The following SGCZ variants were observed in gnomAD, a reference collection of about 807,000 sequenced individuals.
SGCZ encodes sarcoglycan zeta, also known as zeta-sarcoglycan.
Under a neutral mutation model 41.3 loss-of-function variants are expected in SGCZ, and 40 were observed. The observed-to-expected ratio is 0.97, with a 90% CI of 0.75 to 1.26. The LOEUF (loss-of-function observed/expected upper bound fraction) is 1.26. Ranked by LOEUF, SGCZ falls within the 50% of genes most tolerant of loss-of-function variation. The pLI is 0.00. For synonymous variants in SGCZ, 206 were observed against 137.5 expected (o/e 1.50, Z -3.49); for missense variants, 552 against 369.8 (o/e 1.49, Z -4.04).
At chr8:14,277,754 C>T (rs1490012606) in intron 3 of SGCZ, among the ~76,000 whole-genome samples, 1 of 152,118 alleles carries the variant, frequency 6.6e-6, no homozygotes, top group Non-Finnish European at 1.5e-5. Context: ...TTCACCCACT[C>T]ACAACCCCAA....
chr8:14,991,885 C>G (rs1802025580), intron 1 of SGCZ, among the ~76,000 whole-genome samples: 1 of 150,788 alleles, frequency 6.6e-6, no homozygotes, highest in Non-Finnish European at 1.5e-5. Flanking sequence ...ATATTTACCT[C>G]TCATCCAATC....
chr8:15,024,989 A>G (rs1355342760), intron 1 of SGCZ, among the ~76,000 whole-genome samples: 4 of 151,600 alleles, frequency 2.6e-5, no homozygotes, highest in Non-Finnish European at 4.4e-5. Context: ...TGGTTGAAAG[A>G]TGAGTTTCAA....
chr8:14,413,580 A>C (rs928508795), intron 2 of SGCZ, among the ~76,000 whole-genome samples: 2 of 152,028 alleles, frequency 1.3e-5, no homozygotes, highest in Non-Finnish European at 2.9e-5. Flanking sequence ...ATTATATTAC[A>C]ACTTAAGTAG....
intron 2 of SGCZ, among the ~76,000 whole-genome samples, chr8:14,445,347 C>T (rs762085802): frequency 1.1e-4 from 16 of 152,148 alleles, no homozygotes; most frequent in Non-Finnish European, 2.2e-4. Flanking sequence ...TCCAAAACTA[C>T]CTAAGGCCTA....
At chr8:14,860,698 A>AAG (rs1803708852) in intron 1 of SGCZ, among the ~76,000 whole-genome samples, 1 of 134,450 alleles carries the variant, frequency 7.4e-6, no homozygotes, top group Non-Finnish European at 1.6e-5. Context: ...GAAAGAAGGA[A>AAG]AGAAAGAAAG....
intron 2 of SGCZ, among the ~76,000 whole-genome samples, chr8:14,334,474 G>C (rs542956878): frequency 6.6e-6 from 1 of 151,994 alleles, no homozygotes; most frequent in Admixed American, 6.6e-5. Flanking sequence ...GTCGGGGCAG[G>C]TACTACAGGT....
intron 1 of SGCZ, among the ~76,000 whole-genome samples, chr8:14,799,382 G>T (rs539720381): frequency 5.3e-5 from 8 of 152,130 alleles, no homozygotes; most frequent in African/African-American, 1.9e-4. Flanking sequence ...AGGCAAGACA[G>T]AATTTGATTT....
intron 2 of SGCZ, among the ~76,000 whole-genome samples, chr8:14,463,292 A>G (rs1800953535): frequency 6.6e-6 from 1 of 151,512 alleles, no homozygotes; most frequent in African/African-American, 2.4e-5. Flanking sequence ...GAGGGCTCAC[A>G]CTTTCTGATT....
rs1360044371 is a variant in SGCZ, at chr8:14,234,838, G to C, written c.424+2754C>G. 2.0e-5 allele frequency among the ~76,000 whole-genome samples: 3 copies of C among 152,032 alleles called. No homozygotes were observed. The East Asian group carries it at 5.8e-4, about 29-fold the overall frequency. ...AAATTTATTCTTACATAATTGAAGA[G>C]TTTCTGAACATGGGATACACTTTCT... On this transcript the variant is annotated intron_variant, in intron 4 of 7. Coordinates refer to ENST00000382080, the MANE Select transcript of SGCZ (RefSeq NM_139167.4).
chr8:14,246,503 G>T (rs1284970241), intron 3 of SGCZ, among the ~76,000 whole-genome samples: 2 of 151,424 alleles, frequency 1.3e-5, no homozygotes, highest in African/African-American at 4.9e-5. Context: ...GCTAAATGAC[G>T]AGTTAATGGG....
At chr8:15,184,541 G>C (rs1216442946) in intron 1 of SGCZ, among the ~76,000 whole-genome samples, 1 of 151,352 alleles carries the variant, frequency 6.6e-6, no homozygotes. Context: ...ACCAGGCCTC[G>C]GGAGACTGGT....
intron 2 of SGCZ, among the ~76,000 whole-genome samples, chr8:14,431,941 C>T (rs1484241148): frequency 6.6e-6 from 1 of 152,124 alleles, no homozygotes; most frequent in African/African-American, 2.4e-5. Context: ...CTCAACATCA[C>T]TAATGATCTG....
At chr8:14,325,786 A>C (rs1802082658) in intron 2 of SGCZ, among the ~76,000 whole-genome samples, 1 of 120,946 alleles carries the variant, frequency 8.3e-6, no homozygotes, top group Non-Finnish European at 1.7e-5. Flanking sequence ...ATATATATAT[A>C]TATATATCAA....
At chr8:14,885,985 TTA>T (rs71209089) in intron 1 of SGCZ, among the ~76,000 whole-genome samples, 2,894 of 55,298 alleles carry the variant, frequency 0.052, 52 homozygotes, top group South Asian at 0.066. Context: ...GGACTTTATG[TTA>T]TATATATATA....
At chr8:14,521,128 T>C (rs1181847783) in intron 2 of SGCZ, among the ~76,000 whole-genome samples, 1 of 152,122 alleles carries the variant, frequency 6.6e-6, no homozygotes, top group Admixed American at 6.6e-5. Flanking sequence ...GATACTGACA[T>C]TGAATAGTAA....
At chr8:14,506,766 C>T (rs550844879) in intron 2 of SGCZ, among the ~76,000 whole-genome samples, 9 of 152,234 alleles carry the variant, frequency 5.9e-5, no homozygotes, top group East Asian at 1.9e-4. Flanking sequence ...TTTAAACCAA[C>T]GACAGCACTT....
At chr8:14,368,499 A>G (rs1585414079) in intron 2 of SGCZ, among the ~76,000 whole-genome samples, 1 of 152,104 alleles carries the variant, frequency 6.6e-6, no homozygotes, top group African/African-American at 2.4e-5. Context: ...TTAGTCCTCC[A>G]TACTAAAACT....
intron 1 of SGCZ, among the ~76,000 whole-genome samples, chr8:14,946,641 A>G (rs1049255244): frequency 1.3e-5 from 2 of 150,882 alleles, no homozygotes; most frequent in Non-Finnish European, 2.9e-5. Context: ...GCACTGCTTC[A>G]TACTCAAACC....
intron 2 of SGCZ, among the ~76,000 whole-genome samples, chr8:14,552,675 G>A (rs1302022801): frequency 6.6e-6 from 1 of 152,044 alleles, no homozygotes; most frequent in Non-Finnish European, 1.5e-5. Flanking sequence ...TGAGGCCCAT[G>A]AGGATCCTGA....
Sources: allele counts gnomAD v4.1 joint callset (sites outside exome capture counted in the v4.1 genomes callset), GRCh38; gene constraint gnomAD v4.1.1; transcripts MANE v1.5; gene names NCBI Gene and HGNC (gene_info 2026-07-23, HGNC 2026-07-21).